The following NAGLU variants were observed in gnomAD, a reference collection of about 807,000 sequenced individuals.
NAGLU encodes the protein N-acetyl-alpha-glucosaminidase.
NAGLU carries 34 observed loss-of-function variants against 43.4 expected under a neutral mutation model. The observed-to-expected ratio is 0.78, with a 90% CI of 0.60 to 1.04. The LOEUF is 1.04. Among genes scored for constraint, NAGLU ranks in the 50% least tolerant of loss-of-function variants. The pLI, the probability that NAGLU is intolerant of heterozygous loss-of-function variation, is 0.00. For missense variants in NAGLU, 910 were observed against 993.7 expected (o/e 0.92, Z 1.13); for synonymous variants, 425 against 437.6 (o/e 0.97, Z 0.36).
chr17:42,543,728 G>A lies in NAGLU; in HGVS notation c.1722G>A (p.Leu574=), dbSNP rs1179779613. The A allele has an allele frequency of 1.1e-5, 17 of 1,611,742 alleles. No homozygotes were observed. Among genetic ancestry groups the A allele is most frequent in the Admixed American group, 1.7e-5 (1 of 60,000 alleles). The stretch of plus-strand genomic sequence containing the variant: ...AGGCAGTGCAGGAGCTGGTCAGCTT[G>A]TACTATGAGGAGGCAAGAAGCGCCT... ...TRQAVQELVS[L]YYEEARSAYL... Residue 574 remains leucine (L), a synonymous_variant, in exon 6 of 6, where the codon TTG becomes TTA. Transcript: ENST00000225927.
intron 5 of NAGLU, among the ~76,000 whole-genome samples, chr17:42,541,729 A>C (rs937321409): frequency 3.5e-4 from 54 of 152,322 alleles, no homozygotes; most frequent in African/African-American, 1.2e-3. Flanking sequence ...CGCCCAAGTC[A>C]GGAATGACTT....
At chr17:42,536,823 G>T in intron 1 of NAGLU, 168 bp downstream of exon 1, 2 of 1,282,860 alleles carry the variant, frequency 1.6e-6, no homozygotes, top group African/African-American at 1.6e-5. Flanking sequence ...TCAGAGCCTC[G>T]GCTGGCCCAC....
rs762337946 is a variant in NAGLU at position 42,537,406 on chromosome 17, A to G, written c.392A>G (p.Tyr131Cys). The G allele has an allele frequency of 6.2e-7, 1 of 1,614,154 alleles. No homozygotes were observed. The highest frequency in any genetic ancestry group is 8.5e-7 in the Non-Finnish European group (1 of 1,179,994). The change falls in exon 2 of 6, where the codon TAT becomes TGT. Residue 131 changes from tyrosine to cysteine, a missense_variant. Coordinates refer to ENST00000225927, the MANE Select transcript of NAGLU (RefSeq NM_000263.4). The stretch of plus-strand genomic sequence containing the variant: ...CATGACACTGCCCGCAGGTACCGCT[A>G]TTACCAGAATGTGTGCACGCAAAGC... ...LTEATPNRYR[Y>C]YQNVCTQSYS... is the part of the protein sequence containing the mutation.
Position 42,544,325 on chromosome 17 carries a change from C to G in NAGLU, c.*87C>G. ...GCTGGACAGACATCACAGGATAACC[C>G]AGGCCTGGGAGGAGGCCCCACGGCC... On this transcript the variant is annotated 3_prime_UTR_variant, in exon 6 of 6. Coordinates refer to ENST00000225927, the MANE Select transcript of NAGLU (RefSeq NM_000263.4). The G allele has an allele frequency of 6.3e-7, 1 of 1,587,318 alleles. No individual in the cohort carries two copies. The highest frequency in any genetic ancestry group is 1.7e-5 in the Admixed American group (1 of 58,836).
intron 4 of NAGLU, among the ~76,000 whole-genome samples, chr17:42,539,348 G>C (rs373195894): frequency 6.6e-6 from 1 of 152,226 alleles, no homozygotes; most frequent in Non-Finnish European, 1.5e-5. Context: ...TGGCAGCAGG[G>C]GTGCTCCAGT....
chr17:42,540,695 C>CAA (rs369880072), intron 4 of NAGLU, among the ~76,000 whole-genome samples: 44 of 58,450 alleles, frequency 7.5e-4, no homozygotes, highest in African/African-American at 2.5e-3. Flanking sequence ...GACTCTGCCT[C>CAA]AAAAAAAAAA....
At chr17:42,540,113 CAAAA>C (rs571274275) in intron 4 of NAGLU, among the ~76,000 whole-genome samples, 1 of 52,200 alleles carries the variant, frequency 1.9e-5, no homozygotes. Context: ...GACTCCGTCT[CAAAA>C]AAAAAAAAAA....
At chr17:42,539,800 G>A (rs1483298222) in intron 4 of NAGLU, among the ~76,000 whole-genome samples, 1 of 152,222 alleles carries the variant, frequency 6.6e-6, no homozygotes, top group African/African-American at 2.4e-5. Context: ...AGGGCTCAGG[G>A]CAGAGCCCAG....
rs1377858070 is a variant in NAGLU at position 42,543,492 on chromosome 17, C to T, written c.1486C>T (p.Leu496=). The T allele has an allele frequency of 6.2e-7, 1 of 1,602,388 alleles. No individual in the cohort carries two copies. The highest frequency in any genetic ancestry group is 8.5e-7 in the Non-Finnish European group (1 of 1,176,662). Residue 496 remains leucine, a synonymous_variant, in exon 6 of 6, where the codon CTA becomes TTA. Coordinates refer to ENST00000225927, the MANE Select transcript of NAGLU (RefSeq NM_000263.4). The part of the protein sequence containing the change: ...SHPDAGAAWR[L]LLRSVYNCSG... The stretch of plus-strand genomic sequence containing the variant: ...CCCGGACGCAGGGGCAGCGTGGAGG[C>T]TACTGCTCCGGAGTGTGTACAACTG...
At chr17:42,538,294 G>A in intron 2 of NAGLU, 45 bp from the exon 3 acceptor site, 3 of 1,613,168 alleles carry the variant, frequency 1.9e-6, no homozygotes, top group Non-Finnish European at 2.5e-6. Flanking sequence ...ATGAATGAAT[G>A]AATGAAGATG....
At chr17:42,539,453 T>C (rs1229898649) in intron 4 of NAGLU, among the ~76,000 whole-genome samples, 1 of 152,234 alleles carries the variant, frequency 6.6e-6, no homozygotes, top group Non-Finnish European at 1.5e-5. Flanking sequence ...CTCCCCTCCT[T>C]CAGGAAGCCT....
chr17:42,538,900 T>C, intron 4 of NAGLU, 145 bp downstream of exon 4: 2 of 885,690 alleles, frequency 2.3e-6, no homozygotes, highest in East Asian at 5.4e-5. Context: ...GTTGGGCGGA[T>C]CACCTGAGGT....
Position 42,544,282 on chromosome 17 carries a change from CAG to C in NAGLU, c.*46_*47del. Reference sequence around the variant, plus strand: ...GCCTTGTTTTCCGCTAATTCCAGGGCAGATTCCAGGGCCCAGAGCTGGACAGA... The same window carrying C: ...GCCTTGTTTTCCGCTAATTCCAGGGCATTCCAGGGCCCAGAGCTGGACAGA... On this transcript the variant is annotated 3_prime_UTR_variant, in exon 6 of 6. Coordinates refer to ENST00000225927, the MANE Select transcript of NAGLU (RefSeq NM_000263.4). 1 of 1,601,450 alleles carries C rather than the reference CAG, an allele frequency of 6.2e-7. No individual in the cohort carries two copies. The highest frequency in any genetic ancestry group is 1.1e-5 in the South Asian group (1 of 90,922).
Position 42,537,378 on chromosome 17 carries a change from G to C in NAGLU, c.384-20G>C. The C allele has an allele frequency of 6.2e-7, 1 of 1,613,990 alleles. No homozygotes were observed. The highest frequency in any genetic ancestry group is 8.5e-7 in the Non-Finnish European group (1 of 1,179,874). ...ACCCTCCAGGGTGGGATGCGCCCCT[G>C]CTCATGACACTGCCCGCAGGTACCG... On this transcript the variant is annotated intron_variant, in intron 1 of 5. Coordinates refer to ENST00000225927, the MANE Select transcript of NAGLU (RefSeq NM_000263.4).
intron 1 of NAGLU, chr17:42,537,036 T>G (rs1422974135): frequency 2.2e-6 from 1 of 448,246 alleles, no homozygotes; most frequent in East Asian, 4.6e-5. Flanking sequence ...TGCCACACTA[T>G]GGAGTGATGT....
Position 42,536,302 on chromosome 17 carries a change from G to A in NAGLU, c.30G>A (p.Val10=), listed in dbSNP as rs1244442641. 4.9e-6 allele frequency: 6 copies of A among 1,218,822 alleles called. No homozygotes were observed. The highest frequency in any genetic ancestry group is 6.1e-6 in the Non-Finnish European group (6 of 979,772). The allele number at this position is 1,218,822 out of a possible 1,614,324, so 75.5% of individuals were successfully genotyped here. A position where few individuals can be genotyped will look rare whatever the true frequency, so the allele number is the denominator to read the frequency against. Residue 10 remains valine, a synonymous_variant, in exon 1 of 6, where the codon GTG becomes GTA. Transcript: ENST00000225927. The part of the protein sequence containing the change: MEAVAVAAA[V]GVLLLAGAGG... ...AGGCGGTGGCGGTGGCCGCGGCGGT[G>A]GGGGTCCTTCTCCTGGCCGGGGCCG...
At chr17:42,542,784 A>T (rs1035809958) in intron 5 of NAGLU, among the ~76,000 whole-genome samples, 8 of 152,198 alleles carry the variant, frequency 5.3e-5, no homozygotes, top group Non-Finnish European at 1.5e-5. Flanking sequence ...GTGGGCCACC[A>T]CGCCCATTCA....
chr17:42,537,860 T>TAAAA (rs908141983), intron 2 of NAGLU, among the ~76,000 whole-genome samples: 80 of 109,028 alleles, frequency 7.3e-4, no homozygotes, highest in Middle Eastern at 5.1e-3. Flanking sequence ...AGACTCTGTC[T>TAAAA]AAAAAAAAAA....
Position 42,538,494 on chromosome 17 carries a change from A to C in NAGLU, c.678+9A>C, listed in dbSNP as rs1421918287. On this transcript the variant is annotated intron_variant, in intron 3 of 5. Transcript: ENST00000225927. The stretch of plus-strand genomic sequence containing the variant: ...AGCAGCTTTACCTGCAGGTAAAAGG[A>C]TGGAAAAGGGAAGGGGCAGAATCGG... 1 of 1,613,944 alleles carries C rather than the reference A, an allele frequency of 6.2e-7. No individual in the cohort carries two copies. The highest frequency in any genetic ancestry group is 1.1e-5 in the South Asian group (1 of 91,082).
Sources: gnomAD v4.1 joint callset for allele counts (sites outside exome capture counted in the v4.1 genomes callset) on GRCh38, gnomAD v4.1.1 for gene constraint, MANE v1.5 for transcripts, NCBI Gene and HGNC (gene_info 2026-07-23, HGNC 2026-07-21) for gene names.